The following LY75 variants were observed in gnomAD, a reference collection of about 807,000 sequenced individuals.
The protein encoded by LY75 is lymphocyte antigen 75, also known as C-type lectin domain family 13 member B.
A neutral mutation model predicts 231.7 loss-of-function variants in LY75; 185 were observed. The ratio of observed to expected loss-of-function variants is 0.80; its 90% CI spans 0.71 to 0.90. The LOEUF is 0.90. Ranked by LOEUF, LY75 falls within the 40% of genes least tolerant of loss-of-function variation. LY75 has a pLI of 0.00. For synonymous variants in LY75, 668 were observed against 689.0 expected, an observed-to-expected ratio of 0.97 and a Z score of 0.48; for missense variants, 1,947 against 2,050.2, an observed-to-expected ratio of 0.95 and a Z score of 0.97.
At position 159,831,854 on chromosome 2, in the gene LY75, TA is replaced by T. The variant is rs1683672411; in HGVS notation, c.3842-69del. On this transcript the variant is annotated intron_variant, in intron 27 of 34. Coordinates refer to ENST00000263636, the MANE Select transcript of LY75 (RefSeq NM_002349.4). ...CTAGTACACTTCTATTTGATAAGTT[TA>T]AAACATTTTAGTTCTCAGTTTAATA... The T allele has an allele frequency of 7.7e-6, 10 of 1,299,722 alleles. No homozygotes were observed. The South Asian group carries it at 1.4e-4, about 18-fold the overall frequency. 80.5% of individuals were successfully genotyped at this position (1,299,722 alleles called of 1,614,324 possible). A position where few individuals can be genotyped will look rare whatever the true frequency, so the allele number is the denominator to read the frequency against.
chr2:159,880,218 C>T (rs1685393383), intron 8 of LY75, among the ~76,000 whole-genome samples: 1 of 152,136 alleles, frequency 6.6e-6, no homozygotes, highest in South Asian at 2.1e-4. Flanking sequence ...ACAAACAAAA[C>T]GTAGAGGTAC....
chr2:159,850,165 G>A (rs374422863), intron 22 of LY75, 25 bp from the exon 23 acceptor site: 3 of 1,584,406 alleles, frequency 1.9e-6, no homozygotes, highest in Admixed American at 1.9e-5. Context: ...TTTTTAAAAA[G>A]CATTTGATTT....
Position 159,864,614 on chromosome 2 carries a change from C to G in LY75, c.2199+225G>C, listed in dbSNP as rs1190429177. Among the ~76,000 whole-genome samples the G allele has an allele frequency of 2.6e-5, 4 of 152,204 alleles. No individual in the cohort carries two copies. In the East Asian group the frequency reaches 7.7e-4, roughly 29 times the overall value. ...GTTGGTCTAAGTGTCTGTTTTTATG[C>G]CAGTACCATGCTGTTTTGGTTACTA... is the stretch of plus-strand genomic sequence containing the variant. On this transcript the variant is annotated intron_variant, in intron 14 of 34. Transcript: ENST00000263636.
chr2:159,806,602 G>A (rs1023625871), intron 34 of LY75, among the ~76,000 whole-genome samples: 1 of 152,094 alleles, frequency 6.6e-6, no homozygotes, highest in African/African-American at 2.4e-5. Flanking sequence ...AGTTTTATGG[G>A]ATTAGGAAGA....
chr2:159,876,933 C>T lies in LY75; in HGVS notation c.1775-1290G>A, dbSNP rs368759470. Among the ~76,000 whole-genome samples the T allele has an allele frequency of 3.8e-3, 505 of 131,960 alleles. 3 individuals are homozygous for T. Among genetic ancestry groups the T allele is most frequent in the African/African-American group, 0.014 (495 of 35,352 alleles). 86.6% of individuals were successfully genotyped at this position (131,960 alleles called of 152,430 possible). On this transcript the variant is annotated intron_variant, in intron 11 of 34. Transcript: ENST00000263636. ...CTGAGGCAGGAGAATTGTTTGTACACGGGAGGCAGAGGTTACAGTGAGCCG... is the reference window on the plus strand; with the variant it reads ...CTGAGGCAGGAGAATTGTTTGTACATGGGAGGCAGAGGTTACAGTGAGCCG...
chr2:159,878,385 C>T lies in LY75; in HGVS notation c.1713G>A (p.Trp571Ter), dbSNP rs529832168. ...RDVDSCGEYN[W>*]ATVGGRRRAV... is the part of the protein sequence containing the mutation. ...CCCGCCTTCTTCCACCAACAGTTGC[C>T]CAGTTATACTCTCCACAAGAATCTA... The change falls in exon 11 of 35, where the codon TGG (tryptophan) becomes TGA (stop). Residue 571 changes from tryptophan (W) to a stop codon, truncating the protein, a stop_gained. Coordinates refer to ENST00000263636, the MANE Select transcript of LY75 (RefSeq NM_002349.4). LOFTEE classifies it high-confidence loss of function. 1 of 1,614,074 alleles carries T rather than the reference C, an allele frequency of 6.2e-7. No homozygotes were observed. Among genetic ancestry groups the T allele is most frequent in the East Asian group, 2.2e-5 (1 of 44,872 alleles).
At chr2:159,894,205 G>A in intron 2 of LY75, 121 bp from the exon 3 acceptor site, 2 of 1,242,260 alleles carry the variant, frequency 1.6e-6, no homozygotes, top group Non-Finnish European at 2.2e-6. Flanking sequence ...CCGAGTGTAG[G>A]AATTCAGAGC....
intron 21 of LY75, 146 bp from the exon 22 acceptor site, chr2:159,850,613 T>A: frequency 3.1e-6 from 3 of 981,828 alleles, no homozygotes; most frequent in Non-Finnish European, 4.3e-6. Flanking sequence ...AGAATTCAAG[T>A]TTATGCTCTC....
intron 27 of LY75, 84 bp from the exon 28 acceptor site, chr2:159,831,870 T>G: frequency 8.9e-7 from 1 of 1,119,662 alleles, no homozygotes; most frequent in African/African-American, 1.6e-5. Context: ...ATTTTAGTTC[T>G]CAGTTTAATA....
intron 23 of LY75, among the ~76,000 whole-genome samples, chr2:159,849,036 T>G (rs1436487810): frequency 1.3e-5 from 2 of 152,190 alleles, no homozygotes; most frequent in Non-Finnish European, 2.9e-5. Context: ...TTAAACTGTC[T>G]TAAGATTAGG....
At position 159,844,789 on chromosome 2, in the gene LY75, CTTT is replaced by C. The variant is rs143897451; in HGVS notation, c.3151-2418_3151-2416del. Among the ~76,000 whole-genome samples the C allele has an allele frequency of 6.7e-3, 943 of 141,406 alleles. 3 individuals are homozygous for C. The highest frequency in any genetic ancestry group is 9.3e-3 in the Non-Finnish European group (616 of 66,044). 92.8% of individuals were successfully genotyped at this position (141,406 alleles called of 152,430 possible). A position where few individuals can be genotyped will look rare whatever the true frequency, so the allele number is the denominator to read the frequency against. ...AGAAAAATTTTTTAAAGCTGTCATT[CTTT>C]TTTTTTTTTTTTTTAAATTTCAGCT... On this transcript the variant is annotated intron_variant, in intron 23 of 34. Transcript: ENST00000263636.
Position 159,854,446 on chromosome 2 carries a change from C to T in LY75, c.2509G>A (p.Val837Ile), listed in dbSNP as rs200742783. The T allele has an allele frequency of 1.7e-5, 27 of 1,613,498 alleles. No individual in the cohort carries two copies. Among genetic ancestry groups the T allele is most frequent in the African/African-American group, 1.2e-4 (9 of 75,012 alleles). ...CTGTGATTGCTGGCACAGTACAGGACGGCTTCTTCATAGTTTAGGTGAAGA... is the reference window on the plus strand; with the variant it reads ...CTGTGATTGCTGGCACAGTACAGGATGGCTTCTTCATAGTTTAGGTGAAGA... ...ADLHLNYEEA[V>I]LYCASNHSFL... The change falls in exon 18 of 35, where the codon GTC becomes ATC. Residue 837 changes from valine to isoleucine, a missense_variant. Val to Ile is a conservative substitution (Grantham distance 29, BLOSUM62 3). Coordinates refer to ENST00000263636, the MANE Select transcript of LY75 (RefSeq NM_002349.4).
chr2:159,813,541 C>G (rs1683029322), intron 31 of LY75, among the ~76,000 whole-genome samples: 1 of 152,100 alleles, frequency 6.6e-6, no homozygotes, highest in South Asian at 2.1e-4. Flanking sequence ...GTGCCTCCCT[C>G]TCATCTTCTG....
In LY75 at chr2:159,875,554, T is replaced by C. The variant is rs762011693; in HGVS notation, c.1864A>G (p.Ile622Val). 11 of 1,613,992 alleles carry C rather than the reference T, an allele frequency of 6.8e-6. No individual in the cohort carries two copies. The African/African-American group carries it at 9.3e-5, about 14-fold the overall frequency. ...AGGGGTCCACTCATTTTCTTGCAAA[T>C]TGAAAGTGCTTTGAAGCTTCTGCAG... ...KDCRSFKALS[I>V]CKKMSGPLGP... The change falls in exon 12 of 35, where the codon ATT becomes GTT. Residue 622 changes from isoleucine to valine, a missense_variant. Coordinates refer to ENST00000263636, the MANE Select transcript of LY75 (RefSeq NM_002349.4).
intron 15 of LY75, among the ~76,000 whole-genome samples, chr2:159,859,813 A>G (rs1480986620): frequency 6.6e-6 from 1 of 152,212 alleles, no homozygotes; most frequent in Non-Finnish European, 1.5e-5. Flanking sequence ...GTGCTATGTG[A>G]CATATGTGAC....
chr2:159,825,370 A>C (rs1683429007), intron 28 of LY75, among the ~76,000 whole-genome samples: 1 of 152,218 alleles, frequency 6.6e-6, no homozygotes, highest in African/African-American at 2.4e-5. Context: ...GAAATGGATA[A>C]ATTCCTGGAC....
chr2:159,829,401 G>T (rs545563715), intron 28 of LY75, among the ~76,000 whole-genome samples: 3 of 152,178 alleles, frequency 2.0e-5, no homozygotes, highest in East Asian at 3.9e-4. Flanking sequence ...TTTTCACTTG[G>T]CTTAATGTAT....
At chr2:159,839,753 C>G (rs887428691) in intron 25 of LY75, among the ~76,000 whole-genome samples, 6 of 152,058 alleles carry the variant, frequency 3.9e-5, no homozygotes, top group Admixed American at 1.3e-4. Flanking sequence ...CACCTCTAAT[C>G]CCAACACTTT....
chr2:159,805,850 C>A (rs990703895), intron 34 of LY75, among the ~76,000 whole-genome samples: 1 of 152,192 alleles, frequency 6.6e-6, no homozygotes, highest in African/African-American at 2.4e-5. Context: ...CACCCAACCC[C>A]CCAAATCTTC....
Sources: allele counts gnomAD v4.1 joint callset (sites outside exome capture counted in the v4.1 genomes callset), GRCh38; gene constraint gnomAD v4.1.1; transcripts MANE v1.5; gene names NCBI Gene and HGNC (gene_info 2026-07-23, HGNC 2026-07-21).